The following STARD13 variants were observed in gnomAD, a reference collection of about 807,000 sequenced individuals.
STARD13 encodes StAR related lipid transfer domain containing 13, also known as stAR-related lipid transfer protein 13.
STARD13 carries 62 observed loss-of-function variants against 106.4 expected under a neutral mutation model. That is an observed-to-expected ratio of 0.58 (90% confidence interval 0.48 to 0.72). STARD13 has a LOEUF of 0.72. STARD13 is among the 30% of genes least tolerant of loss of function. STARD13 has a pLI of 0.00. For synonymous variants in STARD13, 565 were observed against 553.0 expected (o/e 1.02, Z -0.31); for missense variants, 1,387 against 1,424.0 (o/e 0.97, Z 0.42).
chr13:33,591,369 T>C, the STARD13 span, among the ~76,000 whole-genome samples: 1 of 152,252 alleles, frequency 6.6e-6, no homozygotes, highest in Non-Finnish European at 1.5e-5. Context: ...GTAAAAAATG[T>C]GTATTTGCAT....
At chr13:33,270,874 A>T (rs1023161288) in intron 1 of STARD13, among the ~76,000 whole-genome samples, 3 of 152,216 alleles carry the variant, frequency 2.0e-5, no homozygotes, top group African/African-American at 7.2e-5. Flanking sequence ...TGGAAACCCA[A>T]TTAGTGAAGA....
chr13:33,595,959 G>C, the STARD13 span, among the ~76,000 whole-genome samples: 1 of 152,156 alleles, frequency 6.6e-6, no homozygotes, highest in Non-Finnish European at 1.5e-5. Flanking sequence ...GCTGTTTACT[G>C]TTTAAATTGT....
intron 1 of STARD13, among the ~76,000 whole-genome samples, chr13:33,309,954 A>G (rs1893068420): frequency 6.6e-6 from 1 of 152,194 alleles, no homozygotes; most frequent in African/African-American, 2.4e-5. Context: ...TGAATGATCT[A>G]TCTCTGATTC....
the STARD13 span, among the ~76,000 whole-genome samples, chr13:33,418,144 C>T: frequency 6.6e-6 from 1 of 152,216 alleles, no homozygotes; most frequent in Non-Finnish European, 1.5e-5. Context: ...CATCACCTCA[C>T]CCAGGAAGTG....
the STARD13 span, among the ~76,000 whole-genome samples, chr13:33,488,282 C>T: frequency 6.6e-6 from 1 of 152,194 alleles, no homozygotes; most frequent in Non-Finnish European, 1.5e-5. Flanking sequence ...TAGAGGTCTA[C>T]CATGCCTCAG....
chr13:33,430,115 C>T, the STARD13 span, among the ~76,000 whole-genome samples: 1 of 152,178 alleles, frequency 6.6e-6, no homozygotes, highest in Non-Finnish European at 1.5e-5. Context: ...GACGGGGTTT[C>T]ACCATGTTAG....
rs78026677 is a variant in STARD13 at position 33,116,454 on chromosome 13, C to T, written c.2281+1611G>A. 2.8e-3 allele frequency among the ~76,000 whole-genome samples: 422 copies of T among 152,336 alleles called. 5 individuals are homozygous for T. Among genetic ancestry groups the T allele is most frequent in the African/African-American group, 9.8e-3 (409 of 41,574 alleles). Reference sequence around the variant, plus strand: ...AGATCAGAGAGTGAGTCTCATCCATCCATATGCTCTGCCATGCTAAGCACG... The same window carrying T: ...AGATCAGAGAGTGAGTCTCATCCATTCATATGCTCTGCCATGCTAAGCACG... On this transcript the variant is annotated intron_variant, in intron 8 of 13. Coordinates refer to ENST00000336934, the MANE Select transcript of STARD13 (RefSeq NM_178006.4).
At chr13:33,304,397 A>C (rs1392914198) in intron 1 of STARD13, among the ~76,000 whole-genome samples, 2 of 152,194 alleles carry the variant, frequency 1.3e-5, no homozygotes, top group Admixed American at 1.3e-4. Flanking sequence ...AATGTGTTTT[A>C]GTGCTTTACA....
chr13:33,469,883 TTTTG>T, the STARD13 span, among the ~76,000 whole-genome samples: 1,651 of 152,082 alleles, frequency 0.011, 27 homozygotes, highest in African/African-American at 0.037. Context: ...TGTACAGCTT[TTTTG>T]TTTGTTTGTT....
intron 1 of STARD13, among the ~76,000 whole-genome samples, chr13:33,296,775 C>T (rs113631953): frequency 0.012 from 1,854 of 152,240 alleles, 35 homozygotes; most frequent in African/African-American, 0.041. Flanking sequence ...CCCCCCACCA[C>T]GCCCAGCTAA....
At chr13:33,253,034 C>T (rs117298414) in intron 1 of STARD13, among the ~76,000 whole-genome samples, 1 of 152,148 alleles carries the variant, frequency 6.6e-6, no homozygotes, top group Non-Finnish European at 1.5e-5. Flanking sequence ...AAGGTCACCA[C>T]CAAACAATTT....
At chr13:33,395,713 T>A in the STARD13 span, among the ~76,000 whole-genome samples, 1 of 152,258 alleles carries the variant, frequency 6.6e-6, no homozygotes, top group Non-Finnish European at 1.5e-5. Context: ...TGTTACTTGG[T>A]TAACTATTAA....
Position 33,114,946 on chromosome 13 carries a change from C to T in STARD13, c.2282-2015G>A, listed in dbSNP as rs1875148315. 2.0e-5 allele frequency among the ~76,000 whole-genome samples: 3 copies of T among 152,198 alleles called. No individual in the cohort carries two copies. The South Asian group carries it at 6.2e-4, about 32-fold the overall frequency. On this transcript the variant is annotated intron_variant, in intron 8 of 13. Transcript: ENST00000336934. The stretch of plus-strand genomic sequence containing the variant: ...TGCTGCTGCGGGTCCTGCCCCTTTC[C>T]TGGCTCTAAGGGGATGATTCTAGGT...
chr13:33,327,379 T>A lies in STARD13; in HGVS notation c.124+22911A>T, dbSNP rs191863656. On this transcript the variant is annotated intron_variant, in intron 1 of 5. Transcript: ENST00000567873. ...TTTTGCATTTATATTTACTTTTTTT[T>A]AAAATTTTTAGAGACAGGGACTCAC... Among the ~76,000 whole-genome samples the A allele has an allele frequency of 2.3e-3, 354 of 152,318 alleles. 2 individuals are homozygous for A. Among genetic ancestry groups the A allele is most frequent in the African/African-American group, 6.6e-3 (275 of 41,570 alleles).
chr13:33,511,829 A>T, the STARD13 span, among the ~76,000 whole-genome samples: 2 of 152,176 alleles, frequency 1.3e-5, no homozygotes, highest in African/African-American at 4.8e-5. Flanking sequence ...TTCTATCACT[A>T]AAGTTTAAAA....
chr13:33,213,821 A>G (rs965868910), intron 1 of STARD13, among the ~76,000 whole-genome samples: 4 of 152,210 alleles, frequency 2.6e-5, no homozygotes, highest in African/African-American at 9.6e-5. Context: ...TAAATTTTCA[A>G]TGGTGGTATC....
chr13:33,566,605 G>T, the STARD13 span, among the ~76,000 whole-genome samples: 7 of 147,972 alleles, frequency 4.7e-5, no homozygotes, highest in African/African-American at 1.7e-4. Context: ...TGTGAAACCT[G>T]CAAAGAAGTG....
At chr13:33,108,150 C>G (rs148032134) in intron 12 of STARD13, among the ~76,000 whole-genome samples, 33 of 152,328 alleles carry the variant, frequency 2.2e-4, no homozygotes, top group African/African-American at 7.7e-4. Flanking sequence ...TCCCGAGGAG[C>G]TAGCAATGGG....
At chr13:33,288,107 TAAC>T (rs1029319976), upstream of STARD13, among the ~76,000 whole-genome samples, 54 of 151,958 alleles carry the variant, frequency 3.6e-4, no homozygotes, top group Admixed American at 2.0e-3. Context: ...GATAAAACAA[TAAC>T]AACGACAATA....
Sources: allele counts gnomAD v4.1 joint callset (sites outside exome capture counted in the v4.1 genomes callset), GRCh38; gene constraint gnomAD v4.1.1; transcripts MANE v1.5; gene names NCBI Gene and HGNC (gene_info 2026-07-23, HGNC 2026-07-21).